AP2A1: variants seen among roughly 807,000 people sequenced by gnomAD.
AP2A1 encodes AP-2 complex subunit alpha-1.
Under a neutral mutation model 107.3 loss-of-function variants are expected in AP2A1, and 21 were observed. The ratio of observed to expected loss-of-function variants is 0.20; its 90% CI spans 0.14 to 0.28. The LOEUF (loss-of-function observed/expected upper bound fraction) is 0.28, where lower values mean the gene tolerates loss of function less well. Among genes scored for constraint, AP2A1 ranks in the 10% least tolerant of loss-of-function variants. AP2A1 has a pLI of 1.00. For missense variants in AP2A1, 873 were observed against 1,307.7 expected, an observed-to-expected ratio of 0.67 and a Z score of 5.13; for synonymous variants, 602 against 564.8, an observed-to-expected ratio of 1.07 and a Z score of -0.93.
At chr19:49,780,930 G>A (rs2123687968) in intron 1 of AP2A1, among the ~76,000 whole-genome samples, 1 of 151,740 alleles carries the variant, frequency 6.6e-6, no homozygotes, top group Middle Eastern at 3.4e-3. Flanking sequence ...TCCAGGTTCT[G>A]TTTGGAGGAG....
At chr19:49,801,164 T>C (rs780632638) in intron 12 of AP2A1, 106 bp downstream of exon 12, 199 of 1,173,232 alleles carry the variant, frequency 1.7e-4, no homozygotes, top group Non-Finnish European at 2.2e-4. Flanking sequence ...GCTCCCATCC[T>C]CTCGGCCTCC....
intron 3 of AP2A1, 129 bp from the exon 4 acceptor site, chr19:49,782,402 G>A: frequency 9.5e-7 from 1 of 1,053,438 alleles, no homozygotes. Flanking sequence ...TCTGAGGGAG[G>A]AGGGGCCTGG....
chr19:49,793,089 C>A lies in AP2A1; in HGVS notation c.702C>A (p.Ser234Arg). The A allele has an allele frequency of 6.2e-7, 1 of 1,601,130 alleles. No homozygotes were observed. The change falls in exon 6 of 23, where the codon AGC becomes AGA. Residue 234 changes from serine to arginine, a missense_variant. Physicochemically the swap from Ser to Arg is moderately radical, Grantham distance 110. This residue lies in a region of AP2A1 where 157 missense variants were observed against 212.6 expected (regional missense o/e 0.74). Coordinates refer to ENST00000354293, the MANE Select transcript of AP2A1 (RefSeq NM_130787.3). Reference sequence around the variant, plus strand: ...TCTCTCTGGCTGTGTCGCGCCTGAGCCGGGTGGGTGTGGCCTAGATATTGG... The same window carrying A: ...TCTCTCTGGCTGTGTCGCGCCTGAGACGGGTGGGTGTGGCCTAGATATTGG... ...TCVSLAVSRL[S>R]RIVSSASTDL...
chr19:49,806,076 T>C, intron 21 of AP2A1, 43 bp from the exon 22 acceptor site: 1 of 1,593,684 alleles, frequency 6.3e-7, no homozygotes, highest in Non-Finnish European at 8.6e-7. Flanking sequence ...GTGTGGTAAC[T>C]AACAGCTCTG....
chr19:49,771,295 T>A (rs1451179980), intron 1 of AP2A1, among the ~76,000 whole-genome samples: 2 of 116,140 alleles, frequency 1.7e-5, no homozygotes, highest in Admixed American at 2.0e-4. Context: ...TAGTGAAACC[T>A]CATCTCTTAA....
At chr19:49,786,602 G>A (rs4802623) in intron 4 of AP2A1, among the ~76,000 whole-genome samples, 76,331 of 152,040 alleles carry the variant, frequency 0.5, 19,564 homozygotes, top group South Asian at 0.64. Context: ...GGCAGGGGGG[G>A]TGGGAGTCAT....
intron 10 of AP2A1, 41 bp from the exon 11 acceptor site, chr19:49,799,927 A>G (rs2123746233): frequency 1.2e-6 from 2 of 1,603,300 alleles, no homozygotes; most frequent in Non-Finnish European, 1.7e-6. Flanking sequence ...AAAGCCCGAC[A>G]TGGCCTGCGG....
intron 7 of AP2A1, among the ~76,000 whole-genome samples, chr19:49,797,759 A>G (rs1168324469): frequency 6.6e-6 from 1 of 152,066 alleles, no homozygotes; most frequent in Non-Finnish European, 1.5e-5. Context: ...AACAGAATAT[A>G]TATCACAGTA....
intron 4 of AP2A1, among the ~76,000 whole-genome samples, chr19:49,787,338 GT>G (rs1418425703): frequency 1.1e-5 from 1 of 89,732 alleles, no homozygotes; most frequent in Admixed American, 1.2e-4. Context: ...TTTTTTGTTT[GT>G]TTTTTTTGTT....
chr19:49,791,206 ACT>A (rs1343590374), intron 4 of AP2A1, among the ~76,000 whole-genome samples: 1 of 151,776 alleles, frequency 6.6e-6, no homozygotes, highest in Non-Finnish European at 1.5e-5. Flanking sequence ...TCCTTAAGTT[ACT>A]CTGTTTTGTT....
At chr19:49,799,908 A>T (rs2073256482) in intron 10 of AP2A1, 60 bp from the exon 11 acceptor site, 2 of 1,590,770 alleles carry the variant, frequency 1.3e-6, no homozygotes, top group East Asian at 2.2e-5. Context: ...GCCCAGATCC[A>T]GGTGAGTGAA....
chr19:49,786,432 C>A (rs1242296989), intron 4 of AP2A1, among the ~76,000 whole-genome samples: 1 of 152,250 alleles, frequency 6.6e-6, no homozygotes, highest in African/African-American at 2.4e-5. Context: ...TTTGGACTCG[C>A]TGCAGTTCCA....
intron 5 of AP2A1, among the ~76,000 whole-genome samples, chr19:49,792,307 C>T (rs898507309): frequency 1.4e-5 from 2 of 138,510 alleles, no homozygotes; most frequent in South Asian, 2.5e-4. Flanking sequence ...TCAGCCCTCA[C>T]GCCCCCGGAT....
intron 5 of AP2A1, 60 bp downstream of exon 5, chr19:49,792,124 C>T (rs1229533393): frequency 1.3e-6 from 2 of 1,569,328 alleles, no homozygotes; most frequent in African/African-American, 1.4e-5. Flanking sequence ...CCCTGACCCC[C>T]CTGGATGCCC....
intron 1 of AP2A1, among the ~76,000 whole-genome samples, chr19:49,776,237 C>A (rs2084616335): frequency 6.6e-6 from 1 of 151,936 alleles, no homozygotes; most frequent in Non-Finnish European, 1.5e-5. Flanking sequence ...GTGCCTCTTT[C>A]ATCACCGTCC....
intron 7 of AP2A1, chr19:49,796,749 C>CT (rs2073218692): frequency 1.3e-5 from 2 of 152,326 alleles, no homozygotes; most frequent in Non-Finnish European, 2.9e-5. Flanking sequence ...CTGTGTCCCT[C>CT]TATGTGTGTA....
At chr19:49,779,071 T>C (rs2084646131) in intron 1 of AP2A1, among the ~76,000 whole-genome samples, 1 of 149,932 alleles carries the variant, frequency 6.7e-6, no homozygotes, top group Non-Finnish European at 1.5e-5. Context: ...GCGAAGTGGC[T>C]CACTCCTGTA....
At chr19:49,782,146 G>T in intron 3 of AP2A1, 57 bp downstream of exon 3, 2 of 1,316,240 alleles carry the variant, frequency 1.5e-6, no homozygotes, top group South Asian at 1.4e-5. Context: ...GGGGGAGGGG[G>T]CTGGAGGTCT....
In AP2A1 at chr19:49,801,070, T is replaced by G. The variant is rs1265002359; in HGVS notation, c.1553+12T>G. 1 of 1,593,300 alleles carries G rather than the reference T, an allele frequency of 6.3e-7. No homozygotes were observed. The highest frequency in any genetic ancestry group is 1.3e-5 in the African/African-American group (1 of 74,818). ...GACCCCCGCTCCAGGTGAGGGAGCCTCAGCCTGCAGGGGAGAACACACATG... is the reference window on the plus strand; with the variant it reads ...GACCCCCGCTCCAGGTGAGGGAGCCGCAGCCTGCAGGGGAGAACACACATG... On this transcript the variant is annotated intron_variant, in intron 12 of 22. Transcript: ENST00000354293.
Sources: gnomAD v4.1 joint callset for allele counts (sites outside exome capture counted in the v4.1 genomes callset) on GRCh38, gnomAD v4.1.1 for gene constraint, gnomAD v4.1.1 regional missense constraint, MANE v1.5 for transcripts, NCBI Gene and HGNC (gene_info 2026-07-23, HGNC 2026-07-21) for gene names.